Variants in NT5E observed in about 807,000 individuals in gnomAD.
NT5E encodes 5'-nucleotidase.
Under a neutral mutation model 55.1 loss-of-function variants are expected in NT5E, and 53 were observed. The ratio of observed to expected loss-of-function variants is 0.96; its 90% CI spans 0.77 to 1.21. The LOEUF (loss-of-function observed/expected upper bound fraction) is 1.21. Among genes scored for constraint, NT5E ranks in the 50% most tolerant of loss-of-function variants. The probability of loss-of-function intolerance (pLI) is 0.00; values close to 1 mark genes in which losing one functional copy is unlikely to be tolerated. For missense variants in NT5E, 683 were observed against 724.3 expected, an observed-to-expected ratio of 0.94 and a Z score of 0.65; for synonymous variants, 270 against 278.4, an observed-to-expected ratio of 0.97 and a Z score of 0.30.
chr6:85,457,613 G>T (rs773832379), intron 1 of NT5E, among the ~76,000 whole-genome samples: 4 of 152,178 alleles, frequency 2.6e-5, no homozygotes, highest in Non-Finnish European at 4.4e-5. Context: ...CAGGTGAAGA[G>T]GTTTCCAGGA....
chr6:85,493,781 C>T, intron 8 of NT5E, 60 bp from the exon 9 acceptor site: 3 of 1,442,990 alleles, frequency 2.1e-6, no homozygotes, highest in Non-Finnish European at 2.9e-6. Context: ...CAAAGGACTA[C>T]CTTACTGTTG....
intron 1 of NT5E, among the ~76,000 whole-genome samples, chr6:85,453,196 G>A (rs932350400): frequency 1.3e-5 from 2 of 152,186 alleles, no homozygotes; most frequent in Non-Finnish European, 2.9e-5. Flanking sequence ...CCTGAGGCAC[G>A]AGGAAGACAG....
At position 85,490,556 on chromosome 6, in the gene NT5E, C is replaced by A; in HGVS notation, c.1259C>A (p.Thr420Lys). The change falls in exon 7 of 9, where the codon ACA becomes AAA. Residue 420 changes from threonine to lysine, a missense_variant. By Grantham distance (78) the Thr-to-Lys change is moderately conservative. Coordinates refer to ENST00000257770, the MANE Select transcript of NT5E (RefSeq NM_002526.4). ...GCTGCTGTATTGCCCTTTGGAGGCACATTTGACCTAGTCCAGTTAAAAGGT... is the reference window on the plus strand; with the variant it reads ...GCTGCTGTATTGCCCTTTGGAGGCAAATTTGACCTAGTCCAGTTAAAAGGT... Reference protein sequence around the residue: ...NLAAVLPFGGTFDLVQLKGST... With the variant: ...NLAAVLPFGGKFDLVQLKGST... The A allele has an allele frequency of 6.2e-7, 1 of 1,614,212 alleles. No individual in the cohort carries two copies. Among genetic ancestry groups the A allele is most frequent in the South Asian group, 1.1e-5 (1 of 91,088 alleles).
At chr6:85,477,709 A>G (rs1156236121) in intron 3 of NT5E, among the ~76,000 whole-genome samples, 1 of 152,254 alleles carries the variant, frequency 6.6e-6, no homozygotes, top group East Asian at 1.9e-4. Context: ...CAATCTTATT[A>G]CTTACAACAT....
At chr6:85,454,094 C>T (rs913907385) in intron 1 of NT5E, among the ~76,000 whole-genome samples, 3 of 152,178 alleles carry the variant, frequency 2.0e-5, no homozygotes, top group Non-Finnish European at 2.9e-5. Flanking sequence ...CCCATCTCCA[C>T]GTATTTTACC....
At chr6:85,471,492 G>A (rs757672950) in intron 3 of NT5E, 67 bp downstream of exon 3, 1 of 1,372,260 alleles carries the variant, frequency 7.3e-7, no homozygotes, top group Admixed American at 1.7e-5. Context: ...TTTTGCCTTT[G>A]TAACTGTTAT....
chr6:85,474,286 A>G (rs963361587), intron 3 of NT5E, among the ~76,000 whole-genome samples: 3 of 152,366 alleles, frequency 2.0e-5, no homozygotes, highest in East Asian at 1.9e-4. Flanking sequence ...AAGAAAAAAT[A>G]TATGTTCAGT....
chr6:85,492,578 C>G (rs1179571461), intron 8 of NT5E, among the ~76,000 whole-genome samples: 1 of 152,202 alleles, frequency 6.6e-6, no homozygotes, highest in Non-Finnish European at 1.5e-5. Flanking sequence ...GTGAATCAGT[C>G]AGGTAGAAGT....
chr6:85,471,162 G>T, intron 2 of NT5E, 75 bp from the exon 3 acceptor site: 1 of 1,014,354 alleles, frequency 9.9e-7, no homozygotes, highest in Non-Finnish European at 1.4e-6. Flanking sequence ...TTTAACCTTT[G>T]CATGTTAATA....
chr6:85,473,047 T>G (rs899935477), intron 3 of NT5E, among the ~76,000 whole-genome samples: 2 of 152,176 alleles, frequency 1.3e-5, no homozygotes, highest in African/African-American at 2.4e-5. Context: ...TCCATAAATG[T>G]GATGAGGATG....
chr6:85,469,548 G>C (rs1769263113), intron 2 of NT5E, among the ~76,000 whole-genome samples: 1 of 152,196 alleles, frequency 6.6e-6, no homozygotes, highest in Non-Finnish European at 1.5e-5. Flanking sequence ...GTGCAGCAGG[G>C]GGGAAGGTAT....
At chr6:85,452,756 T>G (rs781719821) in intron 1 of NT5E, among the ~76,000 whole-genome samples, 5 of 152,200 alleles carry the variant, frequency 3.3e-5, no homozygotes, top group Non-Finnish European at 5.9e-5. Context: ...TCACTGTCAA[T>G]TGTTTATATT....
intron 3 of NT5E, among the ~76,000 whole-genome samples, chr6:85,480,403 G>C (rs1398205574): frequency 6.6e-6 from 1 of 152,220 alleles, no homozygotes; most frequent in Non-Finnish European, 1.5e-5. Flanking sequence ...AAGTTGACAT[G>C]ACAGCTTGTG....
At chr6:85,477,313 A>G (rs775291997) in intron 3 of NT5E, among the ~76,000 whole-genome samples, 21 of 152,176 alleles carry the variant, frequency 1.4e-4, no homozygotes, top group Non-Finnish European at 2.8e-4. Context: ...TTTAAAAAGT[A>G]AGATTTCTTT....
At position 85,450,514 on chromosome 6, in the gene NT5E, G is replaced by C. The variant is rs772793669; in HGVS notation, c.339+36G>C. 27 of 1,543,584 alleles carry C rather than the reference G, an allele frequency of 1.7e-5. No homozygotes were observed. Among genetic ancestry groups the C allele is most frequent in the Middle Eastern group, 1.7e-4 (1 of 5,984 alleles). ...AGCCCGCGCCCGGGATAGTAGTCCC[G>C]GACTGAGAGAGGAGCCGGGCTGGAA... On this transcript the variant is annotated intron_variant, in intron 1 of 8. Coordinates refer to ENST00000257770, the MANE Select transcript of NT5E (RefSeq NM_002526.4). This position sits in a 1 kb window ranked among gnomAD's most constrained non-coding sequence, Gnocchi z 4.0.
chr6:85,476,414 G>A (rs1273397177), intron 3 of NT5E, among the ~76,000 whole-genome samples: 1 of 152,198 alleles, frequency 6.6e-6, no homozygotes, highest in Non-Finnish European at 1.5e-5. Flanking sequence ...GCAGAGGGTG[G>A]GACAAGTGCT....
chr6:85,470,726 G>C (rs1009267373), intron 2 of NT5E, among the ~76,000 whole-genome samples: 7 of 152,220 alleles, frequency 4.6e-5, no homozygotes, highest in Non-Finnish European at 8.8e-5. Flanking sequence ...ACAAGCGTGA[G>C]CCACTGTGCC....
At position 85,494,740 on chromosome 6, in the gene NT5E, A is replaced by T. The variant is rs1769856317; in HGVS notation, c.*736A>T. ...CTCTTGCAACACCCATGTGCCTTTG[A>T]TGAGTCAGGTAGCAAGCTGTAGTAG... On this transcript the variant is annotated 3_prime_UTR_variant, in exon 9 of 9. Transcript: ENST00000257770. 6.6e-6 allele frequency: 1 copy of T among 152,278 alleles called. No individual in the cohort carries two copies. Among genetic ancestry groups the T allele is most frequent in the African/African-American group, 2.4e-5 (1 of 41,460 alleles). The allele number at this position is 152,278 out of a possible 1,614,324, so 9.4% of individuals were successfully genotyped here. A position where few individuals can be genotyped will look rare whatever the true frequency, so the allele number is the denominator to read the frequency against.
chr6:85,473,578 C>T (rs1005443773), intron 3 of NT5E, among the ~76,000 whole-genome samples: 1 of 152,062 alleles, frequency 6.6e-6, no homozygotes, highest in African/African-American at 2.4e-5. Context: ...AGACAGGGAG[C>T]CAAAACACAC....
Sources: gnomAD v4.1 joint callset for allele counts (sites outside exome capture counted in the v4.1 genomes callset) on GRCh38, gnomAD v4.1.1 for gene constraint, Gnocchi (gnomAD v3.1) non-coding constraint, MANE v1.5 for transcripts, NCBI Gene and HGNC (gene_info 2026-07-23, HGNC 2026-07-21) for gene names.